The following PIKFYVE variants were observed in gnomAD, a reference collection of about 807,000 sequenced individuals.
PIKFYVE encodes 1-phosphatidylinositol 3-phosphate 5-kinase.
Under a neutral mutation model 257.9 loss-of-function variants are expected in PIKFYVE, and 122 were observed. That is an observed-to-expected ratio of 0.47 (90% confidence interval 0.41 to 0.55). The LOEUF (loss-of-function observed/expected upper bound fraction) is 0.55. Ranked by LOEUF, PIKFYVE falls within the 20% of genes least tolerant of loss-of-function variation. PIKFYVE has a pLI of 0.00. For missense variants in PIKFYVE, 2,160 were observed against 2,536.6 expected, an observed-to-expected ratio of 0.85 and a Z score of 3.19; for synonymous variants, 892 against 868.9, an observed-to-expected ratio of 1.03 and a Z score of -0.47.
chr2:208,282,511 C>T (rs1690946033), intron 5 of PIKFYVE, among the ~76,000 whole-genome samples: 1 of 152,220 alleles, frequency 6.6e-6, no homozygotes. Context: ...CTGGAAACTC[C>T]TACAGGATTT....
At position 208,285,699 on chromosome 2, in the gene PIKFYVE, G is replaced by C. The variant is rs199802149; in HGVS notation, c.614-27G>C. The C allele has an allele frequency of 1.4e-4, 221 of 1,582,204 alleles. No individual in the cohort carries two copies. In the African/African-American group the frequency reaches 2.6e-3, roughly 19 times the overall value. On this transcript the variant is annotated intron_variant, in intron 5 of 41. Coordinates refer to ENST00000264380, the MANE Select transcript of PIKFYVE (RefSeq NM_015040.4). ...TGCTATCTTTTCCTTCAATTTCCTT[G>C]TTTTTGTTTTTGTTTTTTTCTCCTA...
In PIKFYVE at chr2:208,304,915, C is replaced by T. The variant is rs1694140828; in HGVS notation, c.1538C>T (p.Ala513Val). ...TCCACAGTGGACAGTGACTCAGCCG[C>T]TTCTATCAGCCTGAACGTGGAGCTG... ...FQSTVDSDSA[A>V]SISLNVELDN... Residue 513 changes from alanine to valine, a missense_variant, in exon 12 of 42, where the codon GCT becomes GTT. Around this residue, in one of 12 missense-constraint regions of PIKFYVE, gnomAD observed 346 missense variants for 365.6 expected, o/e 0.95. Transcript: ENST00000264380. 6.2e-6 allele frequency: 10 copies of T among 1,614,132 alleles called. No homozygotes were observed. Among genetic ancestry groups the T allele is most frequent in the African/African-American group, 1.3e-5 (1 of 75,038 alleles).
chr2:208,315,934 TTACA>T (rs760457456), intron 15 of PIKFYVE, among the ~76,000 whole-genome samples: 5 of 151,358 alleles, frequency 3.3e-5, no homozygotes, highest in Non-Finnish European at 7.4e-5. Context: ...TGCGGGTTAG[TTACA>T]TATGTATACA....
Position 208,347,942 on chromosome 2 carries a change from T to G in PIKFYVE, c.5293T>G (p.Leu1765Val), listed in dbSNP as rs1187906596. 5.6e-6 allele frequency: 9 copies of G among 1,614,004 alleles called. No homozygotes were observed. The highest frequency in any genetic ancestry group is 7.6e-6 in the Non-Finnish European group (9 of 1,179,878). ...TCTCTCTTCCCAGAAGAGAGAGACCTTACGTGGAGCAGATAGTGCTTACTA... is the reference window on the plus strand; with the variant it reads ...TCTCTCTTCCCAGAAGAGAGAGACCGTACGTGGAGCAGATAGTGCTTACTA... ...PDLSSQKRETLRGADSAYYQV... is the reference protein window; with the variant it reads ...PDLSSQKRETVRGADSAYYQV... The change falls in exon 35 of 42, where the codon TTA becomes GTA. Residue 1765 changes from leucine (L) to valine (V), a missense_variant. By Grantham distance (32) the Leu-to-Val change is conservative. Coordinates refer to ENST00000264380, the MANE Select transcript of PIKFYVE (RefSeq NM_015040.4).
chr2:208,267,565 G>C (rs933178874), intron 1 of PIKFYVE, among the ~76,000 whole-genome samples: 3 of 134,196 alleles, frequency 2.2e-5, no homozygotes, highest in African/African-American at 8.4e-5. Context: ...GGAGTGCAGT[G>C]GCGCGATCTC....
intron 32 of PIKFYVE, 80 bp from the exon 33 acceptor site, chr2:208,345,031 A>C (rs2125758737): frequency 9.5e-7 from 1 of 1,056,570 alleles, no homozygotes; most frequent in East Asian, 2.5e-5. Flanking sequence ...TCTATAATGC[A>C]AAACTTACTC....
At chr2:208,329,152 GT>G (rs2125616983) in intron 21 of PIKFYVE, among the ~76,000 whole-genome samples, 1 of 152,196 alleles carries the variant, frequency 6.6e-6, no homozygotes, top group South Asian at 2.1e-4. Flanking sequence ...TTCACCTTTA[GT>G]TTTAAAAGTA....
intron 10 of PIKFYVE, 72 bp downstream of exon 10, chr2:208,302,425 T>G (rs112744171): frequency 0.021 from 27,436 of 1,328,038 alleles, 362 homozygotes; most frequent in Non-Finnish European, 0.025. Flanking sequence ...TCAGTGGGAA[T>G]AAAAAGTAGT....
intron 30 of PIKFYVE, 79 bp downstream of exon 30, chr2:208,339,634 C>T: frequency 2.6e-6 from 4 of 1,533,532 alleles, no homozygotes; most frequent in Non-Finnish European, 3.6e-6. Context: ...TGAATTACAG[C>T]CATTTCTCTA....
intron 1 of PIKFYVE, among the ~76,000 whole-genome samples, chr2:208,271,096 T>C (rs976657715): frequency 1.3e-5 from 2 of 152,048 alleles, no homozygotes; most frequent in African/African-American, 4.8e-5. Flanking sequence ...ATGTGTGTGT[T>C]GTATAACTAG....
intron 1 of PIKFYVE, chr2:208,269,761 A>T: frequency 4.0e-6 from 1 of 248,974 alleles, no homozygotes; most frequent in South Asian, 6.6e-5. Flanking sequence ...GAACTCCTCC[A>T]GCTGATCCTT....
At chr2:208,304,802 C>A (rs1279260685) in intron 11 of PIKFYVE, 44 bp from the exon 12 acceptor site, 1 of 1,579,126 alleles carries the variant, frequency 6.3e-7, no homozygotes, top group Non-Finnish European at 8.7e-7. Flanking sequence ...CATTTTTACT[C>A]CCCTCCTCTC....
rs765067173 is a variant in PIKFYVE, at chr2:208,336,937, TGTA to T, written c.4611+12_4611+14del. Reference sequence around the variant, plus strand: ...AAGGGGAAGAAAGCAAGGTATGAAATGTAGTCTTGTCTTTGGTCCTTAATCAAT... The same window carrying T: ...AAGGGGAAGAAAGCAAGGTATGAAATGTCTTGTCTTTGGTCCTTAATCAAT... On this transcript the variant is annotated intron_variant, in intron 28 of 41. Coordinates refer to ENST00000264380, the MANE Select transcript of PIKFYVE (RefSeq NM_015040.4). 6.3e-7 allele frequency: 1 copy of T among 1,590,772 alleles called. No homozygotes were observed. Among genetic ancestry groups the T allele is most frequent in the South Asian group, 1.1e-5 (1 of 90,630 alleles).
Position 208,330,619 on chromosome 2 carries a change from G to A in PIKFYVE, c.3888G>A (p.Leu1296=), listed in dbSNP as rs745823255. 2.5e-6 allele frequency: 4 copies of A among 1,614,148 alleles called. No homozygotes were observed. Among genetic ancestry groups the A allele is most frequent in the Non-Finnish European group, 3.4e-6 (4 of 1,179,998 alleles). The change falls in exon 23 of 42, where the codon CTG becomes CTA. Residue 1296 remains leucine (L), a synonymous_variant. Transcript: ENST00000264380. ...VHGQGCVQII[L]KELDSPVPGY... is the part of the protein sequence containing the mutation. ...GCCAAGGCTGTGTGCAGATAATCCT[G>A]AAGGAGTTGGATTCTCCAGTACCTG...
intron 2 of PIKFYVE, among the ~76,000 whole-genome samples, 181 bp from the exon 3 acceptor site, chr2:208,273,403 G>A (rs1169259882): frequency 6.6e-6 from 1 of 152,018 alleles, no homozygotes; most frequent in Non-Finnish European, 1.5e-5. Flanking sequence ...TTCAGTACCA[G>A]CCTGGGCAAC....
chr2:208,326,233 A>G lies in PIKFYVE; in HGVS notation c.3422A>G (p.His1141Arg). 1 of 1,592,902 alleles carries G rather than the reference A, an allele frequency of 6.3e-7. No individual in the cohort carries two copies. The highest frequency in any genetic ancestry group is 1.1e-5 in the South Asian group (1 of 87,258). ...HELVSTRIAE[H>R]LGDSQSLGRM... is the part of the protein sequence containing the mutation. ...CTAGTGAGCACTAGAATTGCTGAGC[A>G]TCTGGGCGATAGCCAGAGCTTGGGT... Residue 1141 changes from histidine (H) to arginine (R), a missense_variant, in exon 20 of 42, where the codon CAT becomes CGT. By Grantham distance (29) the His-to-Arg change is conservative (BLOSUM62 0). Coordinates refer to ENST00000264380, the MANE Select transcript of PIKFYVE (RefSeq NM_015040.4).
chr2:208,348,859 C>A (rs1048824410), intron 35 of PIKFYVE, among the ~76,000 whole-genome samples: 1 of 151,542 alleles, frequency 6.6e-6, no homozygotes, highest in Non-Finnish European at 1.5e-5. Context: ...TGGGTTAGTC[C>A]GTGAATTAGT....
At chr2:208,308,145 T>C (rs1036334420) in intron 12 of PIKFYVE, among the ~76,000 whole-genome samples, 3 of 152,172 alleles carry the variant, frequency 2.0e-5, no homozygotes, top group Non-Finnish European at 4.4e-5. Context: ...ATGCCTGTAA[T>C]CCCAGCAAGT....
rs201108032 is a variant in PIKFYVE at position 208,317,897 on chromosome 2, G to C, written c.2038G>C (p.Val680Leu). The C allele has an allele frequency of 6.5e-5, 105 of 1,613,770 alleles. No individual in the cohort carries two copies. Among genetic ancestry groups the C allele is most frequent in the Non-Finnish European group, 8.6e-5 (101 of 1,179,832 alleles). ...IPGGKKFDSV[V>L]VNGFVCTKNI... ...AGGTGGAAAGAAGTTTGATTCTGTG[G>C]TTGTCAATGGCTTTGTTTGTACCAA... Residue 680 changes from valine (V) to leucine (L), a missense_variant, in exon 16 of 42, where the codon GTT becomes CTT. Transcript: ENST00000264380.
Sources: gnomAD v4.1 joint callset for allele counts (sites outside exome capture counted in the v4.1 genomes callset) on GRCh38, gnomAD v4.1.1 for gene constraint, gnomAD v4.1.1 regional missense constraint, MANE v1.5 for transcripts, NCBI Gene and HGNC (gene_info 2026-07-23, HGNC 2026-07-21) for gene names.